The following ZNF521 variants were observed in gnomAD, a reference collection of about 807,000 sequenced individuals.
The protein encoded by ZNF521 is zinc finger protein 521.
In ZNF521, 14 loss-of-function variants were observed where a neutral mutation model predicts 105.5. The ratio of observed to expected loss-of-function variants is 0.13; its 90% confidence interval spans 0.09 to 0.21. ZNF521 has a LOEUF of 0.21. Ranked by LOEUF, ZNF521 falls within the 10% of genes least tolerant of loss-of-function variation. The probability of loss-of-function intolerance (pLI) is 1.00; values close to 1 mark genes in which losing one functional copy is unlikely to be tolerated. For missense variants in ZNF521, 1,233 were observed against 1,629.7 expected, an observed-to-expected ratio of 0.76 and a Z score of 4.19; for synonymous variants, 635 against 606.0, an observed-to-expected ratio of 1.05 and a Z score of -0.70.
intron 5 of ZNF521, among the ~76,000 whole-genome samples, chr18:25,135,491 G>A (rs1454038348): frequency 2.6e-5 from 4 of 152,122 alleles, no homozygotes; most frequent in Non-Finnish European, 5.9e-5. Flanking sequence ...AGCAGCAGGA[G>A]CAAGCATGAT....
At chr18:25,347,466 T>C (rs1051439233) in intron 2 of ZNF521, among the ~76,000 whole-genome samples, 2 of 152,182 alleles carry the variant, frequency 1.3e-5, no homozygotes, top group Admixed American at 6.5e-5. Flanking sequence ...TTCCAGCTTT[T>C]ACAAATAGAA....
At chr18:25,173,544 G>A (rs1230974970) in intron 5 of ZNF521, among the ~76,000 whole-genome samples, 1 of 152,178 alleles carries the variant, frequency 6.6e-6, no homozygotes, top group Non-Finnish European at 1.5e-5. Flanking sequence ...TGGAAGAGCT[G>A]TAAATGTATC....
intron 7 of ZNF521, among the ~76,000 whole-genome samples, chr18:25,068,837 A>C (rs2033142571): frequency 6.6e-6 from 1 of 152,206 alleles, no homozygotes; most frequent in Non-Finnish European, 1.5e-5. Flanking sequence ...TACGTGACTT[A>C]AAATGCTAGA....
intron 3 of ZNF521, among the ~76,000 whole-genome samples, chr18:25,243,306 CTCAATG>C (rs1445849228): frequency 1.3e-5 from 2 of 152,162 alleles, no homozygotes; most frequent in African/African-American, 2.4e-5. Flanking sequence ...TTTACGTCTA[CTCAATG>C]TCACATATGG....
intron 2 of ZNF521, among the ~76,000 whole-genome samples, chr18:25,347,632 C>T (rs73944220): frequency 6.6e-6 from 1 of 152,098 alleles, no homozygotes; most frequent in African/African-American, 2.4e-5. Context: ...AAACAAAAAA[C>T]CCAGCATACT....
intron 4 of ZNF521, among the ~76,000 whole-genome samples, chr18:25,208,083 C>T (rs892208340): frequency 6.6e-6 from 1 of 152,016 alleles, no homozygotes; most frequent in Non-Finnish European, 1.5e-5. Context: ...ATCAGTCATT[C>T]TTTTAAAAGA....
intron 3 of ZNF521, among the ~76,000 whole-genome samples, chr18:25,287,809 C>T (rs1910790944): frequency 6.6e-6 from 1 of 152,126 alleles, no homozygotes. Context: ...AAATTGAAGC[C>T]AGTTTCCTCT....
chr18:25,279,316 AGTATAAC>A (rs1259960087), intron 3 of ZNF521, among the ~76,000 whole-genome samples: 2 of 152,242 alleles, frequency 1.3e-5, no homozygotes, highest in Non-Finnish European at 2.9e-5. Flanking sequence ...AACATATGTT[AGTATAAC>A]TACAGCCTTT....
At chr18:25,293,386 A>AC (rs1568060796) in intron 3 of ZNF521, among the ~76,000 whole-genome samples, 28 of 151,528 alleles carry the variant, frequency 1.8e-4, no homozygotes, top group African/African-American at 6.8e-4. Flanking sequence ...ACACACACAC[A>AC]AATTCCTTAA....
chr18:25,299,869 A>T (rs1332440621), intron 3 of ZNF521, among the ~76,000 whole-genome samples: 1 of 152,220 alleles, frequency 6.6e-6, no homozygotes, highest in Non-Finnish European at 1.5e-5. Context: ...TCGGTGGCAG[A>T]TTATGTTTCC....
At position 25,224,540 on chromosome 18, in the gene ZNF521, G is replaced by T; in HGVS notation, c.3378C>A (p.Ala1126=). 1 of 1,613,988 alleles carries T rather than the reference G, an allele frequency of 6.2e-7. No homozygotes were observed. The highest frequency in any genetic ancestry group is 8.5e-7 in the Non-Finnish European group (1 of 1,179,998). The part of the protein sequence containing the change: ...PGLGQNENLS[A]IEGKGKVGGL... ...CCCCCACCTTGCCTTTCCCCTCAAT[G>T]GCACTCAGATTCTCATTCTGGCCCA... The change falls in exon 4 of 8, where the codon GCC becomes GCA. Residue 1126 remains alanine (A), a synonymous_variant. Coordinates refer to ENST00000361524, the MANE Select transcript of ZNF521 (RefSeq NM_015461.3).
At chr18:25,223,465 G>C (rs1055297799) in intron 4 of ZNF521, among the ~76,000 whole-genome samples, 8 of 152,180 alleles carry the variant, frequency 5.3e-5, no homozygotes, top group African/African-American at 1.7e-4. Context: ...AAGGGAGAAG[G>C]ATCTCCCTGG....
At chr18:25,096,697 A>G (rs529651040) in intron 5 of ZNF521, among the ~76,000 whole-genome samples, 1 of 152,316 alleles carries the variant, frequency 6.6e-6, no homozygotes, top group South Asian at 2.1e-4. Context: ...CGCTACAGCC[A>G]TTACTGAGGG....
chr18:25,194,454 G>T (rs973879310), intron 5 of ZNF521, among the ~76,000 whole-genome samples: 5 of 151,584 alleles, frequency 3.3e-5, no homozygotes, highest in Admixed American at 3.3e-4. Context: ...AATCCATGAG[G>T]AATTAAGAAA....
chr18:25,090,067 C>T (rs926927484), intron 6 of ZNF521, among the ~76,000 whole-genome samples: 5 of 152,182 alleles, frequency 3.3e-5, no homozygotes, highest in Admixed American at 3.3e-4. Context: ...AACAGAACGG[C>T]AGGTAAATTC....
chr18:25,103,788 AAGGAAGGGAGGG>A (rs1262768569), intron 5 of ZNF521, among the ~76,000 whole-genome samples: 3 of 21,320 alleles, frequency 1.4e-4, no homozygotes, highest in Non-Finnish European at 3.5e-4. Flanking sequence ...GGGTGAGAGG[AAGGAAGGGAGGG>A]AGGGAGGGAG....
chr18:25,280,790 G>T (rs1021564294), intron 3 of ZNF521, among the ~76,000 whole-genome samples: 1 of 152,104 alleles, frequency 6.6e-6, no homozygotes, highest in Non-Finnish European at 1.5e-5. Flanking sequence ...AGAAGAACAG[G>T]GTTTTCCCAG....
chr18:25,162,547 T>C (rs1300905083), intron 5 of ZNF521, among the ~76,000 whole-genome samples: 1 of 152,234 alleles, frequency 6.6e-6, no homozygotes, highest in Non-Finnish European at 1.5e-5. Context: ...TGCATGCCAA[T>C]ACATTTTTAA....
At chr18:25,250,664 T>G (rs369140598) in intron 3 of ZNF521, among the ~76,000 whole-genome samples, 2 of 152,210 alleles carry the variant, frequency 1.3e-5, no homozygotes, top group South Asian at 4.1e-4. Context: ...ATCATTCCCT[T>G]TTGAAAAATG....
Sources: allele counts gnomAD v4.1 joint callset (sites outside exome capture counted in the v4.1 genomes callset), GRCh38; gene constraint gnomAD v4.1.1; transcripts MANE v1.5; gene names NCBI Gene and HGNC (gene_info 2026-07-23, HGNC 2026-07-21).